SYNE1: variants seen among roughly 807,000 people sequenced by gnomAD.
SYNE1 encodes nesprin-1.
In SYNE1, 616 loss-of-function variants were observed where a neutral mutation model predicts 1,111.0. The observed-to-expected ratio is 0.55, with a 90% confidence interval of 0.52 to 0.59. The LOEUF (loss-of-function observed/expected upper bound fraction) is 0.59, where lower values mean the gene tolerates loss of function less well. Among genes scored for constraint, SYNE1 ranks in the 20% least tolerant of loss-of-function variants. The pLI is 0.00. For missense variants in SYNE1, 10,006 were observed against 10,417.0 expected, an observed-to-expected ratio of 0.96 and a Z score of 1.72; for synonymous variants, 3,855 against 3,825.8, an observed-to-expected ratio of 1.01 and a Z score of -0.28.
chr6:152,220,199 T>C (rs1319135056), intron 119 of SYNE1, among the ~76,000 whole-genome samples: 1 of 152,248 alleles, frequency 6.6e-6, no homozygotes. Flanking sequence ...CTAATTCTAA[T>C]AAACTGATTT....
Position 152,385,667 on chromosome 6 carries a change from T to C in SYNE1, c.8652+7A>G, listed in dbSNP as rs917252307. On this transcript the variant is annotated splice_region_variant and intron_variant, in intron 55 of 145. Transcript: ENST00000367255. ...AATGTAGATATAGCATCTGTTCATT[T>C]CCTGACCTTAATTTTTGATAACTTT... is the stretch of plus-strand genomic sequence containing the variant. 1 of 1,614,076 alleles carries C rather than the reference T, an allele frequency of 6.2e-7. No individual in the cohort carries two copies. Among genetic ancestry groups the C allele is most frequent in the Non-Finnish European group, 8.5e-7 (1 of 1,179,950 alleles).
At chr6:152,337,361 C>T (rs933276243) in intron 75 of SYNE1, among the ~76,000 whole-genome samples, 1 of 151,702 alleles carries the variant, frequency 6.6e-6, no homozygotes, top group South Asian at 2.1e-4. Context: ...ACGATCTCGG[C>T]TCACAGCAAT....
chr6:152,279,968 T>G (rs916694102), intron 97 of SYNE1, among the ~76,000 whole-genome samples: 4 of 152,056 alleles, frequency 2.6e-5, no homozygotes, highest in African/African-American at 9.7e-5. Context: ...AGAAAAAAAC[T>G]GAATATAATA....
intron 125 of SYNE1, 80 bp downstream of exon 125, chr6:152,207,892 C>T (rs773422328): frequency 7.0e-7 from 1 of 1,421,954 alleles, no homozygotes; most frequent in Non-Finnish European, 9.9e-7. Context: ...CTCTAGAGTC[C>T]TTTTGAAAAA....
Position 152,358,439 on chromosome 6 carries a change from C to T in SYNE1, c.10542G>A (p.Lys3514=). The T allele has an allele frequency of 6.2e-7, 1 of 1,614,168 alleles. No individual in the cohort carries two copies. ...FEVWLGQEQE[K]LDQYSVLEGD... The stretch of plus-strand genomic sequence containing the variant: ...CTTCAAGAACTGAATACTGGTCGAG[C>T]TTTTCTTGTTCTTGCCCCAACCAAA... The change falls in exon 66 of 146, where the codon AAG becomes AAA. Residue 3514 remains lysine, a synonymous_variant. Transcript: ENST00000367255.
At chr6:152,565,519 T>A (rs115712428) in intron 3 of SYNE1, among the ~76,000 whole-genome samples, 157 of 152,290 alleles carry the variant, frequency 1.0e-3, no homozygotes, top group African/African-American at 3.7e-3. Context: ...GACGACCCAA[T>A]ACCCATATAT....
chr6:152,275,119 C>G (rs990658420), intron 98 of SYNE1, among the ~76,000 whole-genome samples: 1 of 152,180 alleles, frequency 6.6e-6, no homozygotes, highest in African/African-American at 2.4e-5. Context: ...GATACCCAGG[C>G]TGGTCTTGAA....
At chr6:152,425,259 T>C in intron 39 of SYNE1, 122 bp downstream of exon 39, 1 of 1,034,520 alleles carries the variant, frequency 9.7e-7, no homozygotes, top group African/African-American at 1.6e-5. Flanking sequence ...TCTTCCCTTC[T>C]GTAGTTATCA....
intron 127 of SYNE1, among the ~76,000 whole-genome samples, chr6:152,196,337 T>G (rs1299301194): frequency 6.6e-6 from 1 of 152,096 alleles, no homozygotes. Context: ...CTCTTTTTTG[T>G]AAGCAGAAGA....
intron 6 of SYNE1, among the ~76,000 whole-genome samples, chr6:152,515,762 T>C (rs1298060876): frequency 6.6e-6 from 1 of 152,208 alleles, no homozygotes; most frequent in Non-Finnish European, 1.5e-5. Context: ...CTGAATGATC[T>C]GCCTGACACC....
rs1589788834 is a variant in SYNE1 at position 152,310,780 on chromosome 6, T to C, written c.16804A>G (p.Met5602Val). The change falls in exon 88 of 146, where the codon ATG becomes GTG. Residue 5602 changes from methionine to valine, a missense_variant. Coordinates refer to ENST00000367255, the MANE Select transcript of SYNE1 (RefSeq NM_182961.4). ...YLTSVYCTEK[M>V]SQQVAELGRE... The stretch of plus-strand genomic sequence containing the variant: ...CCCAGTTCTGCCACTTGCTGAGACA[T>C]TTTTTCTGTACAGTACACGCTAGTG... 1 of 1,614,124 alleles carries C rather than the reference T, an allele frequency of 6.2e-7. No individual in the cohort carries two copies.
At chr6:152,583,901 A>G (rs949341524) in intron 3 of SYNE1, among the ~76,000 whole-genome samples, 1 of 152,180 alleles carries the variant, frequency 6.6e-6, no homozygotes, top group Admixed American at 6.5e-5. Context: ...TGTTTATCCT[A>G]CTCAACATTA....
intron 42 of SYNE1, among the ~76,000 whole-genome samples, chr6:152,412,571 CT>C (rs2098080920): frequency 6.6e-6 from 1 of 152,174 alleles, no homozygotes; most frequent in South Asian, 2.1e-4. Flanking sequence ...AAACTGCTTC[CT>C]GGTTGCAGGG....
At chr6:152,135,321 CA>C in intron 141 of SYNE1, 89 bp from the exon 142 acceptor site, 1 of 1,463,114 alleles carries the variant, frequency 6.8e-7, no homozygotes, top group Non-Finnish European at 9.3e-7. Flanking sequence ...CATTAGCAAA[CA>C]TACTTGGTTT....
chr6:152,390,321 T>C lies in SYNE1; in HGVS notation c.8136A>G (p.Glu2712=). Residue 2712 remains glutamate (E), a synonymous_variant, in exon 53 of 146, where the codon GAA becomes GAG. Coordinates refer to ENST00000367255, the MANE Select transcript of SYNE1 (RefSeq NM_182961.4). ...AGGAGCTCATGATGTCAGCCCACAC[T>C]TCTTTAAGGGTCTCTAACTGAGTCT... ...VIQTQLETLK[E]VWADIMSSSV... is the part of the protein sequence containing the mutation. 6 of 1,614,120 alleles carry C rather than the reference T, an allele frequency of 3.7e-6. No individual in the cohort carries two copies. The highest frequency in any genetic ancestry group is 5.1e-6 in the Non-Finnish European group (6 of 1,180,000).
At position 152,201,846 on chromosome 6, in the gene SYNE1, T is replaced by G; in HGVS notation, c.23123A>C (p.His7708Pro). 6.2e-7 allele frequency: 1 copy of G among 1,613,964 alleles called. No homozygotes were observed. Among genetic ancestry groups the G allele is most frequent in the Non-Finnish European group, 8.5e-7 (1 of 1,179,836 alleles). ...TACCTTGCAACGCATTTGTTCTGCA[T>G]GGAGCTCTTCATGGTGATCCGGGAG... ...QSLPDHHEELHAEQMRCKELE... is the reference protein window; with the variant it reads ...QSLPDHHEELPAEQMRCKELE... The change falls in exon 127 of 146, where the codon CAT (histidine) becomes CCT (proline). Residue 7708 changes from histidine to proline, a missense_variant. Around this residue, in one of 7 missense-constraint regions of SYNE1, gnomAD observed 2,182 missense variants for 2,287.8 expected, o/e 0.95. Transcript: ENST00000367255.
rs111322292 is a variant in SYNE1, at chr6:152,444,591, GA to G, written c.3670-14del. ...GCATCTTTTCAACCTATATTTTCAT[GA>G]AAAAAAAAAACACGTAAATCATATG... On this transcript the variant is annotated splice_polypyrimidine_tract_variant and intron_variant, in intron 29 of 145. Transcript: ENST00000367255. The G allele has an allele frequency of 0.059, 70,997 of 1,199,996 alleles. 721 individuals carry two copies. Among genetic ancestry groups the G allele is most frequent in the Non-Finnish European group, 0.065 (58,178 of 890,266 alleles). 74.3% of individuals were successfully genotyped at this position (1,199,996 alleles called of 1,614,324 possible).
In SYNE1 at chr6:152,326,070, G is replaced by A; in HGVS notation, c.15326C>T (p.Ala5109Val). ...CATCAATTCAATAACCTCTTCCCTT[G>A]CTTTCTGGTAATCGTGCCATTGAGC... is the stretch of plus-strand genomic sequence containing the variant. ...CTAQWHDYQK[A>V]REEVIELMND... The change falls in exon 80 of 146, where the codon GCA becomes GTA. Residue 5109 changes from alanine to valine, a missense_variant. This residue lies in a region of SYNE1 where 4,955 missense variants were observed against 5,017.2 expected (regional missense o/e 0.99). Transcript: ENST00000367255. 6.2e-7 allele frequency: 1 copy of A among 1,613,996 alleles called. No individual in the cohort carries two copies. The highest frequency in any genetic ancestry group is 1.6e-4 in the Middle Eastern group (1 of 6,062).
Position 152,239,551 on chromosome 6 carries a change from C to T in SYNE1, c.20049G>A (p.Glu6683=), listed in dbSNP as rs755518998. ...GTCTCACCTCTAGAATGTACTCCAG[C>T]TCCACACCCCTCTTGTGAGCCCGTT... is the stretch of plus-strand genomic sequence containing the variant. ...VLKRAHKRGV[E]LEYILETWSH... Residue 6683 remains glutamate (E), a synonymous_variant, in exon 108 of 146, where the codon GAG becomes GAA. Transcript: ENST00000367255. 6.2e-7 allele frequency: 1 copy of T among 1,614,184 alleles called. No homozygotes were observed. The highest frequency in any genetic ancestry group is 8.5e-7 in the Non-Finnish European group (1 of 1,180,040).
Sources: allele counts gnomAD v4.1 joint callset (sites outside exome capture counted in the v4.1 genomes callset), GRCh38; gene constraint gnomAD v4.1.1; regional missense constraint gnomAD v4.1.1; transcripts MANE v1.5; gene names NCBI Gene and HGNC (gene_info 2026-07-23, HGNC 2026-07-21).